Variants in ANXA11 observed in about 807,000 individuals in gnomAD.
ANXA11 encodes the protein annexin A11.
In ANXA11, 57 loss-of-function variants were observed where a neutral mutation model predicts 64.7. That is an observed-to-expected ratio of 0.88 (90% CI 0.71 to 1.10). ANXA11 has a LOEUF of 1.10. Among genes scored for constraint, ANXA11 ranks in the 50% least tolerant of loss-of-function variants. ANXA11 has a pLI of 0.00. For synonymous variants in ANXA11, 260 were observed against 265.2 expected (o/e 0.98, Z 0.19); for missense variants, 675 against 670.7 (o/e 1.01, Z -0.07).
intron 15 of ANXA11, 52 bp downstream of exon 15, chr10:80,157,589 A>G (rs1190103645): frequency 6.3e-7 from 1 of 1,588,884 alleles, no homozygotes; most frequent in Non-Finnish European, 8.6e-7. Flanking sequence ...GAGGTTCCAC[A>G]GGTGACTGAG....
In ANXA11 at chr10:80,157,161, A is replaced by C. The variant is rs997738575; in HGVS notation, c.1458+480T>G. The C allele has an allele frequency of 1.5e-5, 15 of 976,300 alleles. No homozygotes were observed. The African/African-American group carries it at 2.6e-4, about 17-fold the overall frequency. 60.5% of individuals were successfully genotyped at this position (976,300 alleles called of 1,614,324 possible). On this transcript the variant is annotated intron_variant, in intron 15 of 15. Transcript: ENST00000422982. ...GGGTTCAGGGAGATTTAAGGGAGCC[A>C]TTCAAGGTCACACAGTTAGCAAGTA...
Position 80,176,093 on chromosome 10 carries a change from T to G in ANXA11, c.-9+14A>C, listed in dbSNP as rs1347142582. 1 of 152,138 alleles carries G rather than the reference T, an allele frequency of 6.6e-6. No homozygotes were observed. The highest frequency in any genetic ancestry group is 1.5e-5 in the Non-Finnish European group (1 of 68,024). 9.4% of individuals were successfully genotyped at this position (152,138 alleles called of 1,614,324 possible). A position where few individuals can be genotyped will look rare whatever the true frequency, so the allele number is the denominator to read the frequency against. On this transcript the variant is annotated intron_variant, in intron 2 of 15. Transcript: ENST00000422982. Reference sequence around the variant, plus strand: ...AAATAAAATACAAAGATATCAAAACTTAAAATGACATACCTTTGACTCAGC... The same window carrying G: ...AAATAAAATACAAAGATATCAAAACGTAAAATGACATACCTTTGACTCAGC...
chr10:80,165,718 C>CA (rs1258075144), intron 8 of ANXA11, among the ~76,000 whole-genome samples: 1 of 152,140 alleles, frequency 6.6e-6, no homozygotes, highest in East Asian at 1.9e-4. Flanking sequence ...TTGCTAGTAA[C>CA]AGAGTCCTAA....
chr10:80,195,938 C>G (rs1439861163), intron 1 of ANXA11: 1 of 152,250 alleles, frequency 6.6e-6, no homozygotes, highest in East Asian at 1.9e-4. Flanking sequence ...TTCTACAACA[C>G]GAGGGAATTC....
intron 9 of ANXA11, 57 bp from the exon 10 acceptor site, chr10:80,163,670 T>C (rs1025183253): frequency 2.2e-5 from 32 of 1,465,422 alleles, no homozygotes; most frequent in Non-Finnish European, 3.0e-5. Flanking sequence ...GAGCTGCCCA[T>C]TGCAAAACAC....
intron 1 of ANXA11, among the ~76,000 whole-genome samples, chr10:80,197,843 GA>G (rs1320223277): frequency 6.6e-6 from 1 of 151,816 alleles, no homozygotes; most frequent in African/African-American, 2.4e-5. Flanking sequence ...AGAATGGCGT[GA>G]ACCCAGGAGG....
intron 15 of ANXA11, 129 bp from the exon 16 acceptor site, chr10:80,156,041 G>T: frequency 2.3e-6 from 2 of 854,080 alleles, no homozygotes; most frequent in Non-Finnish European, 3.8e-6. Context: ...TTCTCCCACT[G>T]CAGGTCCTGC....
intron 1 of ANXA11, among the ~76,000 whole-genome samples, chr10:80,197,005 T>G (rs1840200109): frequency 6.6e-6 from 1 of 152,216 alleles, no homozygotes; most frequent in Admixed American, 6.5e-5. Flanking sequence ...CAATTCCCAG[T>G]GCACTAGCAT....
intron 1 of ANXA11, among the ~76,000 whole-genome samples, chr10:80,193,755 T>C (rs1846872564): frequency 7.2e-6 from 1 of 138,646 alleles, no homozygotes; most frequent in Non-Finnish European, 1.5e-5. Context: ...GGGGCTGCAG[T>C]GAGCCAAGAT....
chr10:80,202,772 A>T (rs922129617), intron 1 of ANXA11, among the ~76,000 whole-genome samples: 3 of 152,130 alleles, frequency 2.0e-5, no homozygotes, highest in Non-Finnish European at 2.9e-5. Flanking sequence ...GAGGCCGGGC[A>T]CGGTGACTCA....
intron 1 of ANXA11, among the ~76,000 whole-genome samples, chr10:80,183,601 C>T (rs527644761): frequency 1.6e-4 from 24 of 152,338 alleles, no homozygotes; most frequent in Admixed American, 5.9e-4. Context: ...AGGCAGCTGA[C>T]GACAAAACCT....
In ANXA11 at chr10:80,203,374, A is replaced by G. The variant is rs1036429335; in HGVS notation, c.-58+1969T>C. Among the ~76,000 whole-genome samples, 6 of 152,204 alleles carry G rather than the reference A, an allele frequency of 3.9e-5. No individual in the cohort carries two copies. In the East Asian group the frequency reaches 5.8e-4, roughly 15 times the overall value. Reference sequence around the variant, plus strand: ...GGGCCCTTTCTATAGTATCATGCATAAAGGCGTCAGGTGAGGCTTCCACTC... The same window carrying G: ...GGGCCCTTTCTATAGTATCATGCATGAAGGCGTCAGGTGAGGCTTCCACTC... On this transcript the variant is annotated intron_variant, in intron 1 of 15. Coordinates refer to ENST00000422982, the MANE Select transcript of ANXA11 (RefSeq NM_145868.2).
At chr10:80,177,907 G>A (rs1354600262) in intron 1 of ANXA11, among the ~76,000 whole-genome samples, 1 of 152,200 alleles carries the variant, frequency 6.6e-6, no homozygotes, top group Non-Finnish European at 1.5e-5. Context: ...TGTTCTAGGA[G>A]GCTAGAGGCT....
chr10:80,166,860 A>G, intron 7 of ANXA11, 30 bp downstream of exon 7: 1 of 1,542,140 alleles, frequency 6.5e-7, no homozygotes, highest in Admixed American at 1.8e-5. Context: ...GACACGCCTC[A>G]CTGTCCCGCG....
chr10:80,181,640 G>C (rs1846358773), intron 1 of ANXA11, among the ~76,000 whole-genome samples: 1 of 152,128 alleles, frequency 6.6e-6, no homozygotes, highest in Admixed American at 6.5e-5. Flanking sequence ...CAAAAGACCT[G>C]AACAGACACT....
chr10:80,167,011 T>C, intron 6 of ANXA11, 27 bp from the exon 7 acceptor site: 2 of 1,477,832 alleles, frequency 1.4e-6, no homozygotes, highest in Non-Finnish European at 1.9e-6. Context: ...CAGGGGTGGG[T>C]CGGGTAGGGG....
intron 1 of ANXA11, among the ~76,000 whole-genome samples, chr10:80,180,027 A>T (rs1257157120): frequency 1.3e-5 from 2 of 152,246 alleles, no homozygotes; most frequent in African/African-American, 4.8e-5. Flanking sequence ...TAGAGCAGCT[A>T]TCTGGGGGTG....
Position 80,152,612 on chromosome 10 carries a change from C to T in ANXA11, c.*3241G>A, listed in dbSNP as rs888341121. 4 of 152,304 alleles carry T rather than the reference C, an allele frequency of 2.6e-5. No homozygotes were observed. Among genetic ancestry groups the T allele is most frequent in the African/African-American group, 4.8e-5 (2 of 41,452 alleles). 9.4% of individuals were successfully genotyped at this position (152,304 alleles called of 1,614,324 possible). A position where few individuals can be genotyped will look rare whatever the true frequency, so the allele number is the denominator to read the frequency against. ...GAAAGAAAACCTGGCGGGCCATAGG[C>T]AGGTAAAATGTAGTTTTATTCAGCA... On this transcript the variant is annotated 3_prime_UTR_variant, in exon 16 of 16. Transcript: ENST00000422982.
chr10:80,169,081 A>G lies in ANXA11; in HGVS notation c.449T>C (p.Val150Ala), dbSNP rs1564610119. 6.5e-7 allele frequency: 1 copy of G among 1,535,434 alleles called. No homozygotes were observed. The highest frequency in any genetic ancestry group is 8.7e-7 in the Non-Finnish European group (1 of 1,147,042). ...PPGAYPGQPPVTYPGQPPVPL... is the reference protein window; with the variant it reads ...PPGAYPGQPPATYPGQPPVPL... ...CACTGGAGGCTGACCAGGGTAGGTC[A>G]CTGGTGGCTGCCCAGGGTAGGCCCC... The change falls in exon 5 of 16, where the codon GTG becomes GCG. Residue 150 changes from valine (V) to alanine (A), a missense_variant. By Grantham distance (64) the Val-to-Ala change is moderately conservative. Transcript: ENST00000422982.
Sources: gnomAD v4.1 joint callset for allele counts (sites outside exome capture counted in the v4.1 genomes callset) on GRCh38, gnomAD v4.1.1 for gene constraint, MANE v1.5 for transcripts, NCBI Gene and HGNC (gene_info 2026-07-23, HGNC 2026-07-21) for gene names.